TENM3: variants seen among roughly 807,000 people sequenced by gnomAD.
The protein encoded by TENM3 is teneurin transmembrane protein 3.
TENM3 carries 63 observed loss-of-function variants against 255.1 expected under a neutral mutation model. The ratio of observed to expected loss-of-function variants is 0.25; its 90% CI spans 0.20 to 0.30. TENM3 has a LOEUF of 0.30. TENM3 is among the 10% of genes least tolerant of loss of function. The probability of loss-of-function intolerance (pLI) is 1.00; values close to 1 mark genes in which losing one functional copy is unlikely to be tolerated. For missense variants in TENM3, 2,929 were observed against 3,461.1 expected, an observed-to-expected ratio of 0.85 and a Z score of 3.86; for synonymous variants, 1,306 against 1,322.3, an observed-to-expected ratio of 0.99 and a Z score of 0.27.
At chr4:182,627,052 C>T (rs1432837744) in intron 4 of TENM3, among the ~76,000 whole-genome samples, 1 of 152,174 alleles carries the variant, frequency 6.6e-6, no homozygotes, top group East Asian at 1.9e-4. Flanking sequence ...ATGACTTTTA[C>T]CGTATCTGTA....
chr4:181,765,015 T>C, the TENM3 span, among the ~76,000 whole-genome samples: 1 of 152,174 alleles, frequency 6.6e-6, no homozygotes, highest in African/African-American at 2.4e-5. Context: ...TTGAACATAA[T>C]CCAGAATCAT....
At chr4:182,476,410 G>A (rs554728041) in intron 3 of TENM3, among the ~76,000 whole-genome samples, 1 of 152,290 alleles carries the variant, frequency 6.6e-6, no homozygotes, top group African/African-American at 2.4e-5. Flanking sequence ...CAGGCTTGAT[G>A]ATTTCTGTGA....
chr4:182,142,335 C>G (rs17233820), upstream of TENM3: 9,185 of 157,958 alleles, frequency 0.058, 387 homozygotes, highest in South Asian at 0.12. Flanking sequence ...ACCAAGACTT[C>G]TCTACTTAAC....
chr4:182,796,871 T>C, intron 27 of TENM3, 104 bp downstream of exon 27: 1 of 916,284 alleles, frequency 1.1e-6, no homozygotes, highest in South Asian at 2.5e-5. Context: ...AGACAGTTTT[T>C]AACTTTTTGA....
chr4:182,762,564 G>A (rs148854356), intron 22 of TENM3, among the ~76,000 whole-genome samples: 1 of 152,154 alleles, frequency 6.6e-6, no homozygotes, highest in Non-Finnish European at 1.5e-5. Context: ...AGCATCTGTG[G>A]CTCATTCCTC....
chr4:182,498,126 T>C (rs921263632), intron 3 of TENM3, among the ~76,000 whole-genome samples: 6 of 152,060 alleles, frequency 3.9e-5, no homozygotes, highest in Admixed American at 2.6e-4. Flanking sequence ...TTATCTTCAT[T>C]AGCATATAGA....
chr4:182,364,638 C>A (rs1766286966), intron 3 of TENM3, among the ~76,000 whole-genome samples: 1 of 152,164 alleles, frequency 6.6e-6, no homozygotes, highest in African/African-American at 2.4e-5. Context: ...CCAGGATGGT[C>A]TCAACCTCCT....
the TENM3 span, among the ~76,000 whole-genome samples, chr4:181,913,768 A>G: frequency 1.3e-5 from 2 of 152,170 alleles, no homozygotes; most frequent in African/African-American, 2.4e-5. Flanking sequence ...ACATACTGAC[A>G]TATTGGTTCT....
the TENM3 span, among the ~76,000 whole-genome samples, chr4:182,038,786 T>A: frequency 6.6e-6 from 1 of 152,192 alleles, no homozygotes; most frequent in Non-Finnish European, 1.5e-5. Flanking sequence ...CAAGCTGGAA[T>A]GCAGTGGCGC....
intron 3 of TENM3, among the ~76,000 whole-genome samples, chr4:182,451,914 C>G (rs920324388): frequency 3.3e-5 from 5 of 152,166 alleles, no homozygotes; most frequent in African/African-American, 1.2e-4. Context: ...TAACAAGCCA[C>G]CTTTCTAGCA....
the TENM3 span, among the ~76,000 whole-genome samples, chr4:181,872,894 T>C: frequency 6.6e-6 from 1 of 152,208 alleles, no homozygotes; most frequent in Admixed American, 6.5e-5. Context: ...ACACATAGTA[T>C]CAACATTTGG....
the TENM3 span, among the ~76,000 whole-genome samples, chr4:182,061,528 A>G: frequency 2.0e-5 from 3 of 152,180 alleles, no homozygotes; most frequent in South Asian, 6.2e-4. Context: ...GGGTCTTAAT[A>G]TTATCCCCTC....
the TENM3 span, among the ~76,000 whole-genome samples, chr4:181,645,749 A>G: frequency 1.3e-5 from 2 of 152,352 alleles, no homozygotes; most frequent in East Asian, 3.9e-4. Flanking sequence ...CTGAACTGGA[A>G]GACTGGAAGA....
upstream of TENM3, among the ~76,000 whole-genome samples, chr4:182,242,014 T>C (rs1265826471): frequency 1.4e-5 from 2 of 144,390 alleles, no homozygotes; most frequent in Non-Finnish European, 3.0e-5. Context: ...TTTTTTTTTT[T>C]CCTCTCTCTT....
At chr4:182,493,374 A>G (rs1473253998) in intron 3 of TENM3, among the ~76,000 whole-genome samples, 1 of 152,170 alleles carries the variant, frequency 6.6e-6, no homozygotes, top group African/African-American at 2.4e-5. Flanking sequence ...CTTTTTAGAT[A>G]TTTAGGATTT....
At chr4:182,014,063 CGT>C in the TENM3 span, among the ~76,000 whole-genome samples, 36 of 56,968 alleles carry the variant, frequency 6.3e-4, no homozygotes, top group Non-Finnish European at 1.2e-3. Context: ...CGTGTATATA[CGT>C]ATATACACAT....
the TENM3 span, among the ~76,000 whole-genome samples, chr4:181,806,459 A>G: frequency 6.6e-6 from 1 of 152,230 alleles, no homozygotes; most frequent in Non-Finnish European, 1.5e-5. Context: ...TTGAAATTTA[A>G]TTGCCGTTGT....
At chr4:182,262,520 A>G (rs1401633781) in intron 1 of TENM3, among the ~76,000 whole-genome samples, 3 of 152,232 alleles carry the variant, frequency 2.0e-5, no homozygotes, top group African/African-American at 7.2e-5. Context: ...CCTCACTGCT[A>G]CACTCCCACC....
At chr4:181,553,282 TGTGTGTGTGTGTGTGTA>T in the TENM3 span, among the ~76,000 whole-genome samples, 4 of 118,650 alleles carry the variant, frequency 3.4e-5, no homozygotes, top group South Asian at 2.7e-4. Context: ...TGTGTGTGTG[TGTGTGTGTGTGTGTGTA>T]GTGTGTGTGT....
Sources: allele counts gnomAD v4.1 joint callset (sites outside exome capture counted in the v4.1 genomes callset), GRCh38; gene constraint gnomAD v4.1.1; transcripts MANE v1.5; gene names NCBI Gene and HGNC (gene_info 2026-07-23, HGNC 2026-07-21).